Variants in CNTNAP5 observed in about 807,000 individuals in gnomAD.
CNTNAP5 encodes the protein contactin associated protein family member 5, also known as contactin-associated protein-like 5.
CNTNAP5 carries 72 observed loss-of-function variants against 150.2 expected under a neutral mutation model. The observed-to-expected ratio is 0.48, with a 90% CI of 0.40 to 0.58. The LOEUF (loss-of-function observed/expected upper bound fraction) is 0.58. Ranked by LOEUF, CNTNAP5 falls within the 20% of genes least tolerant of loss-of-function variation. CNTNAP5 has a pLI of 0.00. For missense variants in CNTNAP5, 1,636 were observed against 1,626.2 expected (o/e 1.01, Z -0.10); for synonymous variants, 672 against 619.8 (o/e 1.08, Z -1.25).
intron 3 of CNTNAP5, among the ~76,000 whole-genome samples, chr2:124,344,087 G>C (rs1689681931): frequency 6.6e-6 from 1 of 152,090 alleles, no homozygotes; most frequent in Non-Finnish European, 1.5e-5. Flanking sequence ...CATGGTCCAA[G>C]CACCACCCAT....
chr2:124,763,574 C>A, intron 14 of CNTNAP5, 98 bp from the exon 15 acceptor site: 1 of 1,192,132 alleles, frequency 8.4e-7, no homozygotes, highest in Non-Finnish European at 1.2e-6. Flanking sequence ...TACCCTGCTG[C>A]AACTGGCCAA....
At chr2:124,887,165 G>A (rs187487410) in intron 21 of CNTNAP5, among the ~76,000 whole-genome samples, 2 of 152,108 alleles carry the variant, frequency 1.3e-5, no homozygotes, top group Non-Finnish European at 2.9e-5. Flanking sequence ...TAAGCTCTTA[G>A]TTCCAACTTT....
intron 2 of CNTNAP5, among the ~76,000 whole-genome samples, chr2:124,228,826 C>T (rs1405481366): frequency 6.6e-6 from 1 of 152,094 alleles, no homozygotes; most frequent in Non-Finnish European, 1.5e-5. Context: ...CACTGGGTAT[C>T]CCACTCAAGA....
intron 1 of CNTNAP5, among the ~76,000 whole-genome samples, chr2:124,171,088 G>A (rs1411872265): frequency 2.6e-5 from 4 of 152,128 alleles, no homozygotes; most frequent in East Asian, 1.9e-4. Flanking sequence ...ACCCCATATG[G>A]CTGTCACTCA....
chr2:124,860,623 C>T (rs2104715157), intron 19 of CNTNAP5, among the ~76,000 whole-genome samples: 1 of 151,356 alleles, frequency 6.6e-6, no homozygotes, highest in East Asian at 2.0e-4. Flanking sequence ...GGGTACTTAC[C>T]ATGGGCCAGA....
chr2:124,603,848 G>C (rs1490242193), intron 11 of CNTNAP5, among the ~76,000 whole-genome samples: 2 of 152,138 alleles, frequency 1.3e-5, no homozygotes, highest in African/African-American at 4.8e-5. Context: ...TTGATTGATG[G>C]ATAGATAGAA....
chr2:124,375,675 A>G (rs984452450), intron 3 of CNTNAP5, among the ~76,000 whole-genome samples: 1 of 152,026 alleles, frequency 6.6e-6, no homozygotes, highest in African/African-American at 2.4e-5. Context: ...GGTTTGGGGG[A>G]CTGTGCTATG....
chr2:124,145,836 A>AAAAAAAAAAAAAAAAAAT (rs1684235848), intron 1 of CNTNAP5, among the ~76,000 whole-genome samples: 1 of 75,804 alleles, frequency 1.3e-5, no homozygotes, highest in Non-Finnish European at 2.5e-5. Flanking sequence ...AAAGAAGAAA[A>AAAAAAAAAAAAAAAAAAT]AAAAAAAAAA....
chr2:124,829,888 G>T (rs1462030306), intron 19 of CNTNAP5, among the ~76,000 whole-genome samples: 1 of 151,786 alleles, frequency 6.6e-6, no homozygotes, highest in Non-Finnish European at 1.5e-5. Context: ...AATCATGACT[G>T]ACAGTGCCAC....
intron 13 of CNTNAP5, among the ~76,000 whole-genome samples, chr2:124,681,710 C>A (rs1272816403): frequency 6.6e-6 from 1 of 152,144 alleles, no homozygotes; most frequent in African/African-American, 2.4e-5. Flanking sequence ...ACTACAGGTG[C>A]ATGCCACCAT....
chr2:124,232,889 G>C (rs1231177729), intron 2 of CNTNAP5, among the ~76,000 whole-genome samples: 1 of 152,052 alleles, frequency 6.6e-6, no homozygotes, highest in South Asian at 2.1e-4. Flanking sequence ...AGCTCACACT[G>C]GTTGAAAAAT....
chr2:124,703,109 TCCTC>T (rs149568914), intron 13 of CNTNAP5, among the ~76,000 whole-genome samples: 3,448 of 143,246 alleles, frequency 0.024, 157 homozygotes, highest in African/African-American at 0.088. Flanking sequence ...CTTCCTTCCT[TCCTC>T]CCTCCCTCCC....
At chr2:124,582,614 T>A (rs1696440310) in intron 11 of CNTNAP5, among the ~76,000 whole-genome samples, 1 of 152,160 alleles carries the variant, frequency 6.6e-6, no homozygotes, top group Non-Finnish European at 1.5e-5. Context: ...CCAGTTCTGA[T>A]GGCCTGCTCA....
At chr2:124,768,234 G>T (rs1203115632) in intron 16 of CNTNAP5, among the ~76,000 whole-genome samples, 1 of 151,394 alleles carries the variant, frequency 6.6e-6, no homozygotes, top group African/African-American at 2.4e-5. Flanking sequence ...TTGCTGAGCT[G>T]CTCAGGGGAA....
intron 3 of CNTNAP5, among the ~76,000 whole-genome samples, chr2:124,329,632 A>G (rs1301168390): frequency 1.3e-5 from 2 of 152,082 alleles, no homozygotes; most frequent in Admixed American, 6.6e-5. Context: ...GGCCGTGAAG[A>G]AAAAAAACAT....
chr2:124,058,010 ATAAGT>A (rs1277454775), intron 1 of CNTNAP5, among the ~76,000 whole-genome samples: 2 of 152,152 alleles, frequency 1.3e-5, no homozygotes, highest in South Asian at 4.1e-4. Flanking sequence ...AAATTAAAAA[ATAAGT>A]TAATAAGCAT....
intron 13 of CNTNAP5, among the ~76,000 whole-genome samples, chr2:124,681,937 T>A (rs1310876409): frequency 6.6e-6 from 1 of 152,144 alleles, no homozygotes; most frequent in Non-Finnish European, 1.5e-5. Context: ...TCAGTATAAT[T>A]TAGTGGCCAG....
chr2:124,396,736 GT>G (rs1259000898), intron 3 of CNTNAP5, among the ~76,000 whole-genome samples: 1 of 152,122 alleles, frequency 6.6e-6, no homozygotes, highest in Non-Finnish European at 1.5e-5. Flanking sequence ...AAATTCACTG[GT>G]AATGTGAACT....
At chr2:124,675,288 G>C (rs1282721408) in intron 13 of CNTNAP5, among the ~76,000 whole-genome samples, 1 of 151,798 alleles carries the variant, frequency 6.6e-6, no homozygotes, top group Non-Finnish European at 1.5e-5. Flanking sequence ...CTCTTTTATA[G>C]TTATGCTTGC....
Sources: gnomAD v4.1 joint callset for allele counts (sites outside exome capture counted in the v4.1 genomes callset) on GRCh38, gnomAD v4.1.1 for gene constraint, MANE v1.5 for transcripts, NCBI Gene and HGNC (gene_info 2026-07-23, HGNC 2026-07-21) for gene names.